Variants in RAD51B observed in about 807,000 individuals in gnomAD.
RAD51B encodes the protein DNA repair protein RAD51 homolog 2.
Under a neutral mutation model 42.2 loss-of-function variants are expected in RAD51B, and 38 were observed. The ratio of observed to expected loss-of-function variants is 0.90; its 90% CI spans 0.70 to 1.18. RAD51B has a LOEUF of 1.18. Ranked by LOEUF, RAD51B falls within the 50% of genes most tolerant of loss-of-function variation. RAD51B has a pLI of 0.00. For missense variants in RAD51B, 373 were observed against 400.7 expected (o/e 0.93, Z 0.59); for synonymous variants, 154 against 145.2 (o/e 1.06, Z -0.43).
At chr14:68,581,413 G>A (rs1397454945) in intron 10 of RAD51B, among the ~76,000 whole-genome samples, 1 of 152,226 alleles carries the variant, frequency 6.6e-6, no homozygotes, top group African/African-American at 2.4e-5. Flanking sequence ...TGATGCTCAG[G>A]AGGTTAGGTG....
intron 8 of RAD51B, among the ~76,000 whole-genome samples, chr14:68,377,948 T>G (rs1191677932): frequency 6.6e-6 from 1 of 152,204 alleles, no homozygotes; most frequent in African/African-American, 2.4e-5. Flanking sequence ...GACAATACTT[T>G]GCAATTAAAA....
intron 11 of RAD51B, among the ~76,000 whole-genome samples, chr14:68,669,565 A>T (rs1171067282): frequency 6.6e-6 from 1 of 151,958 alleles, no homozygotes; most frequent in Non-Finnish European, 1.5e-5. Flanking sequence ...TCTGGTCTTT[A>T]TTCCGTGCTT....
chr14:68,464,625 C>A (rs1050848078), intron 9 of RAD51B, among the ~76,000 whole-genome samples: 15 of 152,206 alleles, frequency 9.9e-5, no homozygotes, highest in African/African-American at 3.4e-4. Flanking sequence ...TTTGGTCACT[C>A]ACAAGTCCAC....
At chr14:68,149,396 T>G (rs2078325952) in intron 7 of RAD51B, among the ~76,000 whole-genome samples, 1 of 152,238 alleles carries the variant, frequency 6.6e-6, no homozygotes, top group South Asian at 2.1e-4. Context: ...GGTCAGTGTT[T>G]AGACTGATGT....
intron 10 of RAD51B, among the ~76,000 whole-genome samples, chr14:68,469,861 C>G (rs1167677418): frequency 6.6e-6 from 1 of 152,116 alleles, no homozygotes; most frequent in South Asian, 2.1e-4. Context: ...ATACACGCAC[C>G]CTGATCACTA....
chr14:68,668,252 G>A (rs535215239), intron 11 of RAD51B, among the ~76,000 whole-genome samples: 6 of 152,288 alleles, frequency 3.9e-5, no homozygotes, highest in Non-Finnish European at 7.4e-5. Context: ...AGGGGATGGT[G>A]GGATGGCAAA....
chr14:68,289,431 A>C (rs2139653562), intron 7 of RAD51B, among the ~76,000 whole-genome samples: 1 of 152,044 alleles, frequency 6.6e-6, no homozygotes, highest in East Asian at 1.9e-4. Flanking sequence ...TAAAAGAGAA[A>C]TGGCCGGGCA....
At chr14:68,349,583 C>G (rs1443158873) in intron 8 of RAD51B, among the ~76,000 whole-genome samples, 1 of 152,156 alleles carries the variant, frequency 6.6e-6, no homozygotes, top group Non-Finnish European at 1.5e-5. Flanking sequence ...CCAGGCTGGT[C>G]TCGAACTCCA....
chr14:68,069,993 T>C (rs1404842223), intron 7 of RAD51B, among the ~76,000 whole-genome samples: 1 of 152,142 alleles, frequency 6.6e-6, no homozygotes, highest in Admixed American at 6.6e-5. Flanking sequence ...TGATGTGAAA[T>C]GGTATTTCAC....
chr14:68,278,769 C>T (rs1223353871), intron 7 of RAD51B, among the ~76,000 whole-genome samples: 1 of 152,164 alleles, frequency 6.6e-6, no homozygotes, highest in African/African-American at 2.4e-5. Context: ...GCCACATGAT[C>T]TCAGGCTGTG....
At chr14:67,917,975 C>G (rs1176154881) in intron 7 of RAD51B, among the ~76,000 whole-genome samples, 1 of 151,856 alleles carries the variant, frequency 6.6e-6, no homozygotes, top group Non-Finnish European at 1.5e-5. Context: ...GAATAAATTG[C>G]TACATGAAAC....
chr14:68,416,789 TAGCCTTTGTGTAAGCA>T (rs2084571594), intron 9 of RAD51B, among the ~76,000 whole-genome samples: 1 of 152,198 alleles, frequency 6.6e-6, no homozygotes, highest in Non-Finnish European at 1.5e-5. Context: ...TCTTATGGGA[TAGCCTTTGTGTAAGCA>T]AGCCAGAACC....
At chr14:68,375,038 C>T (rs958385640) in intron 8 of RAD51B, among the ~76,000 whole-genome samples, 13 of 151,722 alleles carry the variant, frequency 8.6e-5, no homozygotes, top group African/African-American at 2.7e-4. Flanking sequence ...CCATCCATTT[C>T]TCCTGCTTGG....
At chr14:68,663,137 C>T (rs566807255) in intron 11 of RAD51B, among the ~76,000 whole-genome samples, 2 of 152,164 alleles carry the variant, frequency 1.3e-5, no homozygotes. Flanking sequence ...TCTATCTCTA[C>T]TAAAAATACA....
intron 10 of RAD51B, among the ~76,000 whole-genome samples, chr14:68,607,543 T>C (rs1404638016): frequency 2.0e-5 from 3 of 152,172 alleles, no homozygotes; most frequent in African/African-American, 7.2e-5. Context: ...CCCTTTTCTG[T>C]TTACACTGGG....
At position 68,247,699 on chromosome 14, in the gene RAD51B, A is replaced by G. The variant is rs895302408; in HGVS notation, c.757-44185A>G. 2.6e-5 allele frequency among the ~76,000 whole-genome samples: 4 copies of G among 152,228 alleles called. No homozygotes were observed. The East Asian group carries it at 7.7e-4, about 29-fold the overall frequency. On this transcript the variant is annotated intron_variant, in intron 7 of 10. Transcript: ENST00000471583. ...TTTTAAACTGTAATGCTAATTCTTTATTAGTCTATTTGGGGGATTTTTTAT... is the reference window on the plus strand; with the variant it reads ...TTTTAAACTGTAATGCTAATTCTTTGTTAGTCTATTTGGGGGATTTTTTAT...
chr14:68,394,986 C>G (rs935533999), intron 8 of RAD51B, among the ~76,000 whole-genome samples: 11 of 152,204 alleles, frequency 7.2e-5, no homozygotes, highest in Non-Finnish European at 1.2e-4. Flanking sequence ...GTCCCCTGCA[C>G]TGGCCTCGGC....
chr14:67,837,357 T>C (rs549172075), intron 4 of RAD51B, among the ~76,000 whole-genome samples: 1 of 152,264 alleles, frequency 6.6e-6, no homozygotes, highest in East Asian at 1.9e-4. Flanking sequence ...GAAGATTAAC[T>C]GGGAAATTCT....
At chr14:68,148,191 C>T (rs2078295464) in intron 7 of RAD51B, among the ~76,000 whole-genome samples, 1 of 152,186 alleles carries the variant, frequency 6.6e-6, no homozygotes, top group East Asian at 1.9e-4. Flanking sequence ...TAGTTTTCCA[C>T]TGTATGTATA....
Sources: gnomAD v4.1 joint callset for allele counts (sites outside exome capture counted in the v4.1 genomes callset) on GRCh38, gnomAD v4.1.1 for gene constraint, MANE v1.5 for transcripts, NCBI Gene and HGNC (gene_info 2026-07-23, HGNC 2026-07-21) for gene names.